The following NOX5 variants were observed in gnomAD, a reference collection of about 807,000 sequenced individuals.
NOX5 encodes NADPH oxidase, EF-hand calcium binding domain 5.
NOX5 carries 76 observed loss-of-function variants against 85.7 expected under a neutral mutation model. That is an observed-to-expected ratio of 0.89 (90% CI 0.74 to 1.07). The LOEUF is 1.07. NOX5 is among the 50% of genes least tolerant of loss of function. NOX5 has a pLI of 0.00. For synonymous variants in NOX5, 405 were observed against 401.4 expected (o/e 1.01, Z -0.11); for missense variants, 973 against 999.5 (o/e 0.97, Z 0.36).
At chr15:69,056,233 G>A (rs973886649) in intron 15 of NOX5, among the ~76,000 whole-genome samples, 4 of 152,148 alleles carry the variant, frequency 2.6e-5, no homozygotes, top group African/African-American at 9.7e-5. Flanking sequence ...CCAGAGCACT[G>A]TATGCATCTC....
In NOX5 at chr15:69,018,306, T is replaced by C. The variant is rs180933772; in HGVS notation, c.50+3521T>C. ...GGCAGGTGAGAGGCAGCTGGCGGAG[T>C]TGGTGTGAGCCAGCAACAGACTCTT... is the stretch of plus-strand genomic sequence containing the variant. On this transcript the variant is annotated intron_variant, in intron 1 of 15. Transcript: ENST00000388866. 3.0e-3 allele frequency among the ~76,000 whole-genome samples: 451 copies of C among 151,722 alleles called. 1 individual carries two copies. Among genetic ancestry groups the C allele is most frequent in the African/African-American group, 0.01 (429 of 41,338 alleles).
At chr15:69,041,186 CT>C (rs1364783151) in intron 9 of NOX5, among the ~76,000 whole-genome samples, 7 of 152,218 alleles carry the variant, frequency 4.6e-5, no homozygotes. Context: ...AACCACCATT[CT>C]TGGAGACCTC....
At chr15:69,032,746 C>T (rs959916918) in intron 4 of NOX5, among the ~76,000 whole-genome samples, 1 of 152,148 alleles carries the variant, frequency 6.6e-6, no homozygotes, top group African/African-American at 2.4e-5. Flanking sequence ...GGCTTACTTA[C>T]CAAAACATAT....
At chr15:69,047,946 C>T in intron 13 of NOX5, 35 bp downstream of exon 13, 3 of 1,593,258 alleles carry the variant, frequency 1.9e-6, no homozygotes, top group South Asian at 2.2e-5. Flanking sequence ...GCCTCCAGAC[C>T]TTCTCCCCTG....
chr15:69,055,628 CCT>C, intron 15 of NOX5, 128 bp downstream of exon 15: 1 of 1,002,560 alleles, frequency 1.0e-6, no homozygotes, highest in Non-Finnish European at 1.4e-6. Context: ...CCAGAAGGGA[CCT>C]CGTGGTGTGA....
At chr15:69,045,661 CTCTT>C (rs1216261796) in intron 10 of NOX5, among the ~76,000 whole-genome samples, 46 of 149,234 alleles carry the variant, frequency 3.1e-4, no homozygotes, top group Non-Finnish European at 6.5e-4. Flanking sequence ...CCCTCCCTCT[CTCTT>C]TCTTTCTTTC....
chr15:69,043,831 C>T (rs997764102), intron 10 of NOX5, among the ~76,000 whole-genome samples: 2 of 152,178 alleles, frequency 1.3e-5, no homozygotes, highest in Non-Finnish European at 2.9e-5. Context: ...CCATATGTGT[C>T]AGCATTTTAA....
chr15:69,031,948 TGA>T, intron 4 of NOX5, 136 bp downstream of exon 4: 1 of 848,980 alleles, frequency 1.2e-6, no homozygotes, highest in Non-Finnish European at 1.8e-6. Flanking sequence ...AGCCCACTCT[TGA>T]GTGTACTGCA....
chr15:69,055,293 G>A, intron 14 of NOX5, 41 bp from the exon 15 acceptor site: 1 of 1,606,742 alleles, frequency 6.2e-7, no homozygotes, highest in Non-Finnish European at 8.5e-7. Flanking sequence ...CCCATGATGG[G>A]TACTAGACCC....
intron 1 of NOX5, chr15:69,023,941 C>G: frequency 5.4e-6 from 1 of 186,646 alleles, no homozygotes; most frequent in Non-Finnish European, 1.2e-5. Context: ...AGTACTTCAG[C>G]ATTCCAGTTT....
At position 69,058,789 on chromosome 15, in the gene NOX5, A is replaced by C. The variant is rs2050843663; in HGVS notation, c.*2093A>C. 1 of 152,188 alleles carries C rather than the reference A, an allele frequency of 6.6e-6. No homozygotes were observed. Among genetic ancestry groups the C allele is most frequent in the African/African-American group, 2.4e-5 (1 of 41,428 alleles). 9.4% of individuals were successfully genotyped at this position (152,188 alleles called of 1,614,324 possible). On this transcript the variant is annotated 3_prime_UTR_variant, in exon 16 of 16. Coordinates refer to ENST00000388866, the MANE Select transcript of NOX5 (RefSeq NM_024505.4). Reference sequence around the variant, plus strand: ...ACCTCTTTCCCTCTGTTGAGTCTGTACTTTCCCCTCTTCATCAGGCTTGGG... The same window carrying C: ...ACCTCTTTCCCTCTGTTGAGTCTGTCCTTTCCCCTCTTCATCAGGCTTGGG...
chr15:69,058,093 T>A lies in NOX5; in HGVS notation c.*1397T>A, dbSNP rs2050834817. 6.6e-6 allele frequency: 1 copy of A among 152,504 alleles called. No homozygotes were observed. The highest frequency in any genetic ancestry group is 2.4e-5 in the African/African-American group (1 of 41,448). 9.4% of individuals were successfully genotyped at this position (152,504 alleles called of 1,614,324 possible). ...CCACCTTGCAGTCAGTCCTGATAGGTTCTCTTCTTGACAGTGTAAAGCACC... is the reference window on the plus strand; with the variant it reads ...CCACCTTGCAGTCAGTCCTGATAGGATCTCTTCTTGACAGTGTAAAGCACC... On this transcript the variant is annotated 3_prime_UTR_variant, in exon 16 of 16. Coordinates refer to ENST00000388866, the MANE Select transcript of NOX5 (RefSeq NM_024505.4).
chr15:69,037,204 C>T lies in NOX5; in HGVS notation c.1365C>T (p.Pro455=), dbSNP rs2050531794. Residue 455 remains proline, a synonymous_variant, in exon 8 of 16, where the codon CCC becomes CCT. Coordinates refer to ENST00000388866, the MANE Select transcript of NOX5 (RefSeq NM_024505.4). ...AVCIMEVNLL[P]SKVTHLLIKR... ...GCATCATGGAAGTCAACCTCCTCCC[C>T]TCCAAGGTACAAAGGTGGGGGATGG... 6.2e-7 allele frequency: 1 copy of T among 1,613,210 alleles called. No homozygotes were observed. The highest frequency in any genetic ancestry group is 8.5e-7 in the Non-Finnish European group (1 of 1,179,806).
intron 14 of NOX5, 131 bp downstream of exon 14, chr15:69,049,189 A>T: frequency 6.9e-6 from 3 of 434,508 alleles, no homozygotes; most frequent in Non-Finnish European, 1.2e-5. Context: ...GTGAACCCAG[A>T]GTCTTTTTTT....
chr15:69,036,946 T>C, intron 7 of NOX5, 82 bp from the exon 8 acceptor site: 1 of 1,130,488 alleles, frequency 8.8e-7, no homozygotes. Flanking sequence ...GCCCTGGCTT[T>C]GAGGATAACC....
rs143561710 is a variant in NOX5, at chr15:69,038,168, G to C, written c.1372-689G>C. 9.2e-4 allele frequency: 140 copies of C among 152,836 alleles called. 3 individuals carry two copies. In the East Asian group the frequency reaches 0.024, roughly 26 times the overall value. The allele number at this position is 152,836 out of a possible 1,614,324, so 9.5% of individuals were successfully genotyped here. A position where few individuals can be genotyped will look rare whatever the true frequency, so the allele number is the denominator to read the frequency against. ...GGATGGAGTCTAGGACGTCTCCCAG[G>C]TGTCTGAGAAAAGGAAGGCAGTTCT... On this transcript the variant is annotated intron_variant, in intron 8 of 15. Coordinates refer to ENST00000388866, the MANE Select transcript of NOX5 (RefSeq NM_024505.4).
Position 69,028,259 on chromosome 15 carries a change from A to G in NOX5, c.219A>G (p.Arg73=). Residue 73 remains arginine (R), a synonymous_variant, in exon 3 of 16, where the codon AGA becomes AGG. Coordinates refer to ENST00000388866, the MANE Select transcript of NOX5 (RefSeq NM_024505.4). ...TCTTTGCCCTATTTGACTCCGATAG[A>G]AGTGGCACCATCACCCTCCAGGAGC... The part of the protein sequence containing the change: ...ERFFALFDSD[R]SGTITLQELQ... 6.2e-7 allele frequency: 1 copy of G among 1,613,180 alleles called. No individual in the cohort carries two copies. Among genetic ancestry groups the G allele is most frequent in the Non-Finnish European group, 8.5e-7 (1 of 1,179,596 alleles).
chr15:69,049,789 A>C (rs976179322), intron 14 of NOX5, among the ~76,000 whole-genome samples: 2 of 152,260 alleles, frequency 1.3e-5, no homozygotes. Context: ...TCCTCAAACG[A>C]TTCTTATTCA....
At chr15:69,042,907 G>C in intron 10 of NOX5, 102 bp downstream of exon 10, 1 of 1,293,770 alleles carries the variant, frequency 7.7e-7, no homozygotes, top group Non-Finnish European at 1.1e-6. Context: ...AGCAACTGCT[G>C]TGTACATAGA....
Sources: allele counts gnomAD v4.1 joint callset (sites outside exome capture counted in the v4.1 genomes callset), GRCh38; gene constraint gnomAD v4.1.1; transcripts MANE v1.5; gene names NCBI Gene and HGNC (gene_info 2026-07-23, HGNC 2026-07-21).